Variants in COL8A1 observed in about 807,000 individuals in gnomAD.
COL8A1 encodes the protein collagen alpha-1(VIII) chain.
COL8A1 carries 21 observed loss-of-function variants against 42.7 expected under a neutral mutation model. The observed-to-expected ratio is 0.49, with a 90% CI of 0.35 to 0.71. COL8A1 has a LOEUF of 0.71. Among genes scored for constraint, COL8A1 ranks in the 30% least tolerant of loss-of-function variants. The pLI is 0.01. For synonymous variants in COL8A1, 367 were observed against 369.1 expected (o/e 0.99, Z 0.06); for missense variants, 788 against 962.4 (o/e 0.82, Z 2.40).
At chr3:99,687,993 C>G (rs1349949807) in intron 1 of COL8A1, among the ~76,000 whole-genome samples, 1 of 152,216 alleles carries the variant, frequency 6.6e-6, no homozygotes, top group Non-Finnish European at 1.5e-5. Context: ...TCCACCAGCA[C>G]TTCACCCGTA....
intron 1 of COL8A1, among the ~76,000 whole-genome samples, chr3:99,738,929 C>A (rs193220518): frequency 6.6e-6 from 1 of 152,094 alleles, no homozygotes; most frequent in South Asian, 2.1e-4. Context: ...TCTCTTGGTG[C>A]GCCGTTTTTT....
intron 1 of COL8A1, among the ~76,000 whole-genome samples, chr3:99,697,467 G>A (rs530278515): frequency 7.2e-5 from 11 of 152,272 alleles, no homozygotes; most frequent in African/African-American, 2.6e-4. Flanking sequence ...GAAGTTAAAA[G>A]GAAAACAACC....
chr3:99,679,662 C>T (rs961034202), intron 1 of COL8A1: 2 of 152,164 alleles, frequency 1.3e-5, no homozygotes, highest in African/African-American at 4.8e-5. Context: ...GTTTGCTTGC[C>T]TCATCTGTCA....
intron 2 of COL8A1, among the ~76,000 whole-genome samples, chr3:99,770,951 G>A (rs1212718696): frequency 6.6e-6 from 1 of 152,206 alleles, no homozygotes; most frequent in East Asian, 1.9e-4. Context: ...GGTCAAGGAA[G>A]TCTTGTCTGA....
chr3:99,676,100 T>A (rs987782708), intron 1 of COL8A1, among the ~76,000 whole-genome samples: 2 of 152,086 alleles, frequency 1.3e-5, no homozygotes. Context: ...ATATGACAAT[T>A]TATGTGAAAT....
intron 1 of COL8A1, among the ~76,000 whole-genome samples, chr3:99,648,450 T>C (rs759478127): frequency 5.3e-5 from 8 of 152,194 alleles, no homozygotes; most frequent in Admixed American, 1.3e-4. Flanking sequence ...TGATTTTAAT[T>C]TCTTTTTCTT....
chr3:99,700,805 C>T (rs1348890885), intron 1 of COL8A1, among the ~76,000 whole-genome samples: 2 of 152,138 alleles, frequency 1.3e-5, no homozygotes, highest in East Asian at 3.9e-4. Context: ...GTGTTGTGTG[C>T]ATGCATGTGT....
chr3:99,646,201 G>A (rs1937637822), intron 1 of COL8A1, among the ~76,000 whole-genome samples: 1 of 152,168 alleles, frequency 6.6e-6, no homozygotes, highest in Admixed American at 6.6e-5. Context: ...TTGGGGGATA[G>A]AGATCAATTA....
chr3:99,729,283 G>A (rs1940429740), intron 1 of COL8A1, among the ~76,000 whole-genome samples: 1 of 151,886 alleles, frequency 6.6e-6, no homozygotes, highest in African/African-American at 2.4e-5. Flanking sequence ...CTTACATATT[G>A]AAGTGTTAAT....
At chr3:99,727,278 T>A (rs530987492) in intron 1 of COL8A1, among the ~76,000 whole-genome samples, 12 of 152,304 alleles carry the variant, frequency 7.9e-5, no homozygotes, top group Admixed American at 7.9e-4. Flanking sequence ...CCTGAGACTT[T>A]GCTGAAGTTG....
In COL8A1 at chr3:99,796,274, C is replaced by T. The variant is rs1163395926; in HGVS notation, c.*138C>T. On this transcript the variant is annotated 3_prime_UTR_variant, in exon 4 of 4. Transcript: ENST00000652472. ...GTTATATGTAAGTGAAAATTTGGAC[C>T]ATTGTGTACAAATAAAAACTAAGAT... The T allele has an allele frequency of 1.5e-6, 1 of 670,296 alleles. No homozygotes were observed. The highest frequency in any genetic ancestry group is 2.3e-6 in the Non-Finnish European group (1 of 428,520). The allele number at this position is 670,296 out of a possible 1,614,324, so 41.5% of individuals were successfully genotyped here. A position where few individuals can be genotyped will look rare whatever the true frequency, so the allele number is the denominator to read the frequency against.
intron 2 of COL8A1, among the ~76,000 whole-genome samples, chr3:99,763,607 G>A (rs2107428493): frequency 6.6e-6 from 1 of 152,134 alleles, no homozygotes; most frequent in East Asian, 1.9e-4. Flanking sequence ...AAAGGAAAAT[G>A]AGGCACAAAA....
At chr3:99,694,243 G>A (rs1939304968) in intron 1 of COL8A1, among the ~76,000 whole-genome samples, 1 of 152,186 alleles carries the variant, frequency 6.6e-6, no homozygotes, top group Non-Finnish European at 1.5e-5. Context: ...AGCACTTTGG[G>A]AGACTGAGGC....
chr3:99,753,846 C>T (rs1294425755), intron 2 of COL8A1, among the ~76,000 whole-genome samples: 6 of 151,980 alleles, frequency 3.9e-5, no homozygotes, highest in Non-Finnish European at 7.4e-5. Flanking sequence ...ACAAATTTTC[C>T]CAGTTTGGAG....
At chr3:99,732,691 C>A (rs941883307) in intron 1 of COL8A1, among the ~76,000 whole-genome samples, 17 of 152,072 alleles carry the variant, frequency 1.1e-4, no homozygotes, top group African/African-American at 4.1e-4. Flanking sequence ...TGGCCCCTCC[C>A]AAATCTCATG....
Position 99,722,719 on chromosome 3 carries a change from A to C in COL8A1, c.-128-22178A>C, listed in dbSNP as rs533626174. ...AAAACAAGGCATTCCTCTCATCATG[A>C]TATCTAGAGGTAATGTTCTTGCCCG... On this transcript the variant is annotated intron_variant, in intron 1 of 3. Coordinates refer to ENST00000652472, the MANE Select transcript of COL8A1 (RefSeq NM_020351.4). 2.5e-4 allele frequency among the ~76,000 whole-genome samples: 38 copies of C among 152,186 alleles called. No homozygotes were observed. The South Asian group carries it at 2.9e-3, about 12-fold the overall frequency.
intron 1 of COL8A1, among the ~76,000 whole-genome samples, chr3:99,732,592 G>A (rs937631664): frequency 1.3e-5 from 2 of 152,056 alleles, no homozygotes; most frequent in Non-Finnish European, 2.9e-5. Flanking sequence ...CTTCCCCTGG[G>A]TCCCTCCCAT....
chr3:99,650,019 T>G (rs1252831081), intron 1 of COL8A1, among the ~76,000 whole-genome samples: 2 of 152,206 alleles, frequency 1.3e-5, no homozygotes, highest in Non-Finnish European at 2.9e-5. Flanking sequence ...ACAAACACTT[T>G]AGCTTGACAG....
intron 1 of COL8A1, among the ~76,000 whole-genome samples, chr3:99,714,462 G>T (rs1264009057): frequency 2.6e-5 from 4 of 152,082 alleles, no homozygotes; most frequent in Non-Finnish European, 5.9e-5. Flanking sequence ...GGTAGCTAGT[G>T]CTTCCACAGT....
Sources: allele counts gnomAD v4.1 joint callset (sites outside exome capture counted in the v4.1 genomes callset), GRCh38; gene constraint gnomAD v4.1.1; transcripts MANE v1.5; gene names NCBI Gene and HGNC (gene_info 2026-07-23, HGNC 2026-07-21).